DARS1: variants seen among roughly 807,000 people sequenced by gnomAD.
The protein encoded by DARS1 is aspartyl-tRNA synthetase 1, also known as aspartate--tRNA ligase, cytoplasmic.
DARS1 carries 51 observed loss-of-function variants against 68.8 expected under a neutral mutation model. The observed-to-expected ratio is 0.74, with a 90% CI of 0.59 to 0.94. The LOEUF (loss-of-function observed/expected upper bound fraction) is 0.94. Among genes scored for constraint, DARS1 ranks in the 40% least tolerant of loss-of-function variants. The pLI, the probability that DARS1 is intolerant of heterozygous loss-of-function variation, is 0.00. For synonymous variants in DARS1, 203 were observed against 190.4 expected (o/e 1.07, Z -0.55); for missense variants, 607 against 597.3 (o/e 1.02, Z -0.17).
rs1575411134 is a variant in DARS1, at chr2:135,983,265, G to A, written c.124+132C>T. On this transcript the variant is annotated intron_variant, in intron 2 of 15. Transcript: ENST00000264161. ...TACACAGGGTTATGACATCTACTTG[G>A]ATTATTAATGTCATTTAAGCTTTTC... 4 of 632,578 alleles carry A rather than the reference G, an allele frequency of 6.3e-6. No homozygotes were observed. In the East Asian group the frequency reaches 1.2e-4, roughly 19 times the overall value. The allele number at this position is 632,578 out of a possible 1,614,324, so 39.2% of individuals were successfully genotyped here. A position where few individuals can be genotyped will look rare whatever the true frequency, so the allele number is the denominator to read the frequency against.
chr2:135,944,675 G>C (rs1442907658), intron 4 of DARS1, among the ~76,000 whole-genome samples: 1 of 152,152 alleles, frequency 6.6e-6, no homozygotes, highest in East Asian at 1.9e-4. Context: ...GACTACTGAA[G>C]AAACTCAGAA....
intron 4 of DARS1, among the ~76,000 whole-genome samples, chr2:135,946,417 T>C (rs1334887194): frequency 1.3e-5 from 2 of 152,174 alleles, no homozygotes; most frequent in Non-Finnish European, 2.9e-5. Flanking sequence ...ATCCAAGTTA[T>C]GGGTCCAGTG....
chr2:135,922,753 C>A, intron 9 of DARS1, 31 bp downstream of exon 9: 2 of 1,507,050 alleles, frequency 1.3e-6, no homozygotes, highest in South Asian at 1.4e-5. Context: ...AATTAATTAA[C>A]TTGGATAAAA....
intron 4 of DARS1, among the ~76,000 whole-genome samples, chr2:135,955,102 G>A (rs183942695): frequency 2.7e-5 from 4 of 150,596 alleles, no homozygotes; most frequent in Non-Finnish European, 4.4e-5. Context: ...GGTAGTCATC[G>A]GCTCATATTT....
intron 4 of DARS1, among the ~76,000 whole-genome samples, chr2:135,952,240 G>A (rs900160270): frequency 6.6e-6 from 1 of 152,010 alleles, no homozygotes; most frequent in Non-Finnish European, 1.5e-5. Flanking sequence ...GTGAGACTCC[G>A]TCTCATCTTT....
At position 135,974,610 on chromosome 2, in the gene DARS1, T is replaced by A. The variant is rs1435267031; in HGVS notation, c.217+4664A>T. On this transcript the variant is annotated intron_variant, in intron 3 of 15. Transcript: ENST00000264161. Reference sequence around the variant, plus strand: ...ATTTATTTTCTAATGACATTTTATGTAGAACCTTAAACTCAAAATCATTCA... The same window carrying A: ...ATTTATTTTCTAATGACATTTTATGAAGAACCTTAAACTCAAAATCATTCA... 2.6e-5 allele frequency among the ~76,000 whole-genome samples: 4 copies of A among 152,368 alleles called. No individual in the cohort carries two copies. In the South Asian group the frequency reaches 6.2e-4, roughly 24 times the overall value.
intron 4 of DARS1, among the ~76,000 whole-genome samples, chr2:135,954,418 G>A (rs1034676265): frequency 1.3e-5 from 2 of 151,554 alleles, no homozygotes; most frequent in Admixed American, 6.6e-5. Flanking sequence ...TACACCTCAT[G>A]GGGCTGTTGT....
chr2:135,918,133 C>T (rs932144067), intron 10 of DARS1, among the ~76,000 whole-genome samples: 1 of 152,000 alleles, frequency 6.6e-6, no homozygotes, highest in Non-Finnish European at 1.5e-5. Context: ...GCTGGCCAGT[C>T]TGGTCTCAAA....
At chr2:135,946,085 G>A (rs754371888) in intron 4 of DARS1, among the ~76,000 whole-genome samples, 3 of 152,100 alleles carry the variant, frequency 2.0e-5, no homozygotes, top group Non-Finnish European at 4.4e-5. Flanking sequence ...TGTGAAAAAG[G>A]GTCAGACTAT....
rs1446435764 is a variant in DARS1, at chr2:135,920,900, A to G, written c.812-300T>C. Among the ~76,000 whole-genome samples the G allele has an allele frequency of 2.6e-5, 4 of 151,996 alleles. No individual in the cohort carries two copies. The East Asian group carries it at 7.8e-4, about 30-fold the overall frequency. ...TTCTCAATATTTAAAAATATATTCA[A>G]TTATGACCAAGATAGTGAGTTCTTC... On this transcript the variant is annotated intron_variant, in intron 9 of 15. Transcript: ENST00000264161.
At chr2:135,965,555 C>T (rs1172168086) in intron 3 of DARS1, among the ~76,000 whole-genome samples, 5 of 152,080 alleles carry the variant, frequency 3.3e-5, no homozygotes, top group Non-Finnish European at 5.9e-5. Context: ...TTAAAAAATA[C>T]AAAATATAAA....
rs75123258 is a variant in DARS1, at chr2:135,955,673, C to CTTTT, written c.320+5719_320+5722dup. On this transcript the variant is annotated intron_variant, in intron 4 of 15. Coordinates refer to ENST00000264161, the MANE Select transcript of DARS1 (RefSeq NM_001349.4). The stretch of plus-strand genomic sequence containing the variant: ...ACCACCACCTTTTGAAAATAAAAAT[C>CTTTT]TTTTTTTTTTTTTTTTTTTTTTTTT... Among the ~76,000 whole-genome samples, 159 of 61,322 alleles carry CTTTT rather than the reference C, an allele frequency of 2.6e-3. 18 individuals are homozygous for CTTTT. In the East Asian group the frequency reaches 0.042, roughly 16 times the overall value. 40.2% of individuals were successfully genotyped at this position (61,322 alleles called of 152,430 possible).
intron 2 of DARS1, among the ~76,000 whole-genome samples, chr2:135,982,805 C>A (rs1385374687): frequency 3.9e-5 from 6 of 151,944 alleles, no homozygotes; most frequent in Admixed American, 3.9e-4. Context: ...ATGGAAGGAC[C>A]CATGGACTCT....
chr2:135,948,157 T>C (rs1171559562), intron 4 of DARS1, among the ~76,000 whole-genome samples: 2 of 152,238 alleles, frequency 1.3e-5, no homozygotes, highest in Non-Finnish European at 2.9e-5. Context: ...GGACTGAAAA[T>C]AGAAGCTGTT....
chr2:135,949,116 AC>A (rs1331812466), intron 4 of DARS1, among the ~76,000 whole-genome samples: 1 of 152,132 alleles, frequency 6.6e-6, no homozygotes, highest in Non-Finnish European at 1.5e-5. Context: ...ACATAATGGT[AC>A]TAAAAAAGGC....
At chr2:135,964,222 GA>G (rs946711963) in intron 3 of DARS1, among the ~76,000 whole-genome samples, 5 of 152,068 alleles carry the variant, frequency 3.3e-5, no homozygotes, top group Non-Finnish European at 7.4e-5. Context: ...ATCATATGGG[GA>G]AAAAAACCAC....
rs567498988 is a variant in DARS1, at chr2:135,968,054, G to A, written c.218-6556C>T. On this transcript the variant is annotated intron_variant, in intron 3 of 15. Coordinates refer to ENST00000264161, the MANE Select transcript of DARS1 (RefSeq NM_001349.4). Reference sequence around the variant, plus strand: ...GTGGGCAGATCACCTGAGGTCAGGAGTTTGAGACTAGCCTGGCCAAAATGG... The same window carrying A: ...GTGGGCAGATCACCTGAGGTCAGGAATTTGAGACTAGCCTGGCCAAAATGG... Among the ~76,000 whole-genome samples, 11 of 152,276 alleles carry A rather than the reference G, an allele frequency of 7.2e-5. No homozygotes were observed. The South Asian group carries it at 1.9e-3, about 26-fold the overall frequency.
chr2:135,931,050 T>C (rs781507593), intron 7 of DARS1, among the ~76,000 whole-genome samples: 4 of 152,166 alleles, frequency 2.6e-5, no homozygotes, highest in Non-Finnish European at 4.4e-5. Context: ...CCTGTAAAGT[T>C]CAGAGAGAAA....
At chr2:135,946,767 A>C (rs1029470651) in intron 4 of DARS1, among the ~76,000 whole-genome samples, 1 of 152,156 alleles carries the variant, frequency 6.6e-6, no homozygotes, top group Non-Finnish European at 1.5e-5. Flanking sequence ...GGGAAAAAGC[A>C]GTTTATCTCT....
Sources: gnomAD v4.1 joint callset for allele counts (sites outside exome capture counted in the v4.1 genomes callset) on GRCh38, gnomAD v4.1.1 for gene constraint, MANE v1.5 for transcripts, NCBI Gene and HGNC (gene_info 2026-07-23, HGNC 2026-07-21) for gene names.